The following EPRS1 variants were observed in gnomAD, a reference collection of about 807,000 sequenced individuals.
The protein encoded by EPRS1 is bifunctional glutamate/proline--tRNA ligase.
A neutral mutation model predicts 188.3 loss-of-function variants in EPRS1; 107 were observed. That is an observed-to-expected ratio of 0.57 (90% confidence interval 0.49 to 0.67). The LOEUF is 0.67. Among genes scored for constraint, EPRS1 ranks in the 30% least tolerant of loss-of-function variants. The pLI is 0.00. For synonymous variants in EPRS1, 596 were observed against 593.1 expected (o/e 1.00, Z -0.07); for missense variants, 1,577 against 1,802.2 (o/e 0.88, Z 2.26).
chr1:219,994,655 T>C (rs752761886), intron 18 of EPRS1, among the ~76,000 whole-genome samples: 98 of 142,564 alleles, frequency 6.9e-4, no homozygotes, highest in Non-Finnish European at 1.2e-3. Flanking sequence ...TTTTTTTTTT[T>C]TTTTTTTTTT....
Position 220,020,870 on chromosome 1 carries a change from A to ATATATATATATATG in EPRS1, c.1116-650_1116-649insCATATATATATATA, listed in dbSNP as rs1219334636. Among the ~76,000 whole-genome samples the ATATATATATATATG allele has an allele frequency of 1.4e-3, 110 of 77,284 alleles. 4 individuals carry two copies. The highest frequency in any genetic ancestry group is 2.0e-3 in the Non-Finnish European group (78 of 39,672). 50.7% of individuals were successfully genotyped at this position (77,284 alleles called of 152,430 possible). A position where few individuals can be genotyped will look rare whatever the true frequency, so the allele number is the denominator to read the frequency against. On this transcript the variant is annotated intron_variant, in intron 9 of 31. Transcript: ENST00000366923. ...TATATATATATATATATATATATAT[A>ATATATATATATATG]TTAGTGCATTATGCTTTCTTTCTTT...
intron 10 of EPRS1, 43 bp from the exon 11 acceptor site, chr1:220,019,122 G>T (rs1266364348): frequency 4.3e-6 from 5 of 1,155,544 alleles, no homozygotes; most frequent in Non-Finnish European, 2.6e-6. Context: ...ATTTTGTAAT[G>T]TGTAGATGTG....
chr1:220,005,106 A>G (rs903197451), intron 16 of EPRS1, 142 bp downstream of exon 16: 7 of 400,928 alleles, frequency 1.7e-5, no homozygotes, highest in Non-Finnish European at 3.1e-5. Flanking sequence ...CTTGTCTAAA[A>G]TGTTAAATAT....
chr1:219,984,959 G>A (rs190166948), intron 20 of EPRS1, among the ~76,000 whole-genome samples: 21 of 151,484 alleles, frequency 1.4e-4, no homozygotes, highest in African/African-American at 4.6e-4. Context: ...AGAATGAATC[G>A]CTTGAACCTG....
chr1:220,018,577 C>T (rs527905416), intron 11 of EPRS1, 69 bp from the exon 12 acceptor site: 4 of 844,588 alleles, frequency 4.7e-6, no homozygotes, highest in South Asian at 1.5e-5. Context: ...TTATTTCATG[C>T]TAAGCATGTT....
chr1:219,982,900 AG>A, intron 22 of EPRS1, 56 bp from the exon 23 acceptor site: 1 of 1,470,628 alleles, frequency 6.8e-7, no homozygotes, highest in Non-Finnish European at 9.5e-7. Flanking sequence ...TTGGAGCAAC[AG>A]TACAAATGCA....
intron 1 of EPRS1, among the ~76,000 whole-genome samples, chr1:220,043,670 T>C (rs1662340549): frequency 2.0e-5 from 3 of 152,116 alleles, no homozygotes; most frequent in Admixed American, 1.3e-4. Flanking sequence ...GAACAAGGAA[T>C]AACTACGCTA....
In EPRS1 at chr1:219,979,565, G is replaced by T. The variant is rs537386099; in HGVS notation, c.3762C>A (p.Ile1254=). The T allele has an allele frequency of 6.8e-6, 11 of 1,613,732 alleles. No individual in the cohort carries two copies. The East Asian group carries it at 1.3e-4, about 20-fold the overall frequency. Residue 1254 remains isoleucine, a synonymous_variant, in exon 27 of 32, where the codon ATC becomes ATA. Transcript: ENST00000366923. Reference sequence around the variant, plus strand: ...CTGGTATCTTTGGATCTTCAAAAACGATTTCAAACATTTTGGAAAAATTCT... The same window carrying T: ...CTGGTATCTTTGGATCTTCAAAAACTATTTCAAACATTTTGGAAAAATTCT... The part of the protein sequence containing the change: ...LGQNFSKMFE[I]VFEDPKIPGE...
intron 6 of EPRS1, among the ~76,000 whole-genome samples, chr1:220,026,899 AAT>A (rs968307825): frequency 7.2e-4 from 109 of 151,940 alleles, no homozygotes; most frequent in African/African-American, 2.6e-3. Context: ...TATAAAATAA[AAT>A]AATATAAAAA....
chr1:220,024,314 T>A lies in EPRS1; in HGVS notation c.893A>T (p.Gln298Leu). 1 of 1,611,910 alleles carries A rather than the reference T, an allele frequency of 6.2e-7. No individual in the cohort carries two copies. Among genetic ancestry groups the A allele is most frequent in the Non-Finnish European group, 8.5e-7 (1 of 1,179,276 alleles). The change falls in exon 8 of 32, where the codon CAG (glutamine) becomes CTG (leucine). Residue 298 changes from glutamine (Q) to leucine (L), a missense_variant. Gln to Leu is a moderately radical substitution (Grantham distance 113). Coordinates refer to ENST00000366923, the MANE Select transcript of EPRS1 (RefSeq NM_004446.3). ...CCTCTGCTCACGTTCTGCTTTCATC[T>A]GTTCAGCAGGAGTATCATCCACATA... ...KAYVDDTPAE[Q>L]MKAEREQRID...
rs1325962512 is a variant in EPRS1 at position 219,971,896 on chromosome 1, A to C, written c.4323+173T>G. ...TTATATGACATATAAATGTAAAACA[A>C]AGACTATATAATTAGATTATATATT... On this transcript the variant is annotated intron_variant, in intron 30 of 31. Transcript: ENST00000366923. 3.3e-5 allele frequency among the ~76,000 whole-genome samples: 5 copies of C among 149,446 alleles called. No individual in the cohort carries two copies. In the East Asian group the frequency reaches 9.7e-4, roughly 29 times the overall value.
At chr1:220,000,402 C>T (rs72745175) in intron 17 of EPRS1, among the ~76,000 whole-genome samples, 1,987 of 152,258 alleles carry the variant, frequency 0.013, 17 homozygotes, top group Non-Finnish European at 0.018. Flanking sequence ...CACTATATTA[C>T]GATGTATTTT....
At chr1:220,022,959 C>T (rs1381570178) in intron 8 of EPRS1, among the ~76,000 whole-genome samples, 1 of 152,088 alleles carries the variant, frequency 6.6e-6, no homozygotes, top group African/African-American at 2.4e-5. Context: ...TGGTTTGGTC[C>T]GGCCCTAAGG....
chr1:220,039,139 G>A (rs1420793839), intron 2 of EPRS1, among the ~76,000 whole-genome samples: 1 of 152,278 alleles, frequency 6.6e-6, no homozygotes, highest in African/African-American at 2.4e-5. Context: ...ATGTCAAAGC[G>A]CCAGTCTTTG....
At chr1:219,996,100 T>C (rs1350525249) in intron 18 of EPRS1, among the ~76,000 whole-genome samples, 2 of 152,186 alleles carry the variant, frequency 1.3e-5, no homozygotes, top group Non-Finnish European at 2.9e-5. Flanking sequence ...ATACCTTCAT[T>C]ATTAAATACG....
intron 12 of EPRS1, among the ~76,000 whole-genome samples, chr1:220,014,790 CTTTA>C (rs1386964983): frequency 1.1e-3 from 7 of 6,554 alleles, no homozygotes; most frequent in Non-Finnish European, 2.6e-3. Flanking sequence ...TCCAATCACT[CTTTA>C]TTTCCCCACA....
At chr1:219,990,235 A>G (rs1208339470) in intron 18 of EPRS1, among the ~76,000 whole-genome samples, 1 of 152,082 alleles carries the variant, frequency 6.6e-6, no homozygotes, top group Non-Finnish European at 1.5e-5. Flanking sequence ...TAATAAAGCT[A>G]TGTATTCATA....
At position 219,982,835 on chromosome 1, in the gene EPRS1, C is replaced by T; in HGVS notation, c.3310G>A (p.Val1104Ile). 1 of 1,613,820 alleles carries T rather than the reference C, an allele frequency of 6.2e-7. No individual in the cohort carries two copies. The highest frequency in any genetic ancestry group is 8.5e-7 in the Non-Finnish European group (1 of 1,179,798). The change falls in exon 23 of 32, where the codon GTT (valine) becomes ATT (isoleucine). Residue 1104 changes from valine to isoleucine, a missense_variant. Physicochemically the swap from Val to Ile is conservative, Grantham distance 29 (BLOSUM62 3). Transcript: ENST00000366923. ...VADFAPEVAW[V>I]TRSGKTELAE... ...AGCTCGGTTTTGCCAGATCTTGTAACCCAAGCAACCTAGTAAGAAAAAATC... is the reference window on the plus strand; with the variant it reads ...AGCTCGGTTTTGCCAGATCTTGTAATCCAAGCAACCTAGTAAGAAAAAATC...
chr1:220,002,703 T>A (rs1248123428), intron 16 of EPRS1, among the ~76,000 whole-genome samples: 1 of 151,834 alleles, frequency 6.6e-6, no homozygotes, highest in Non-Finnish European at 1.5e-5. Context: ...CTACAAAAAA[T>A]ACACAAACTA....
Sources: allele counts gnomAD v4.1 joint callset (sites outside exome capture counted in the v4.1 genomes callset), GRCh38; gene constraint gnomAD v4.1.1; transcripts MANE v1.5; gene names NCBI Gene and HGNC (gene_info 2026-07-23, HGNC 2026-07-21).